Variants in CAMK1D observed in about 807,000 individuals in gnomAD.
CAMK1D encodes the protein calcium/calmodulin dependent protein kinase ID, also known as calcium/calmodulin-dependent protein kinase type 1D.
In CAMK1D, 9 loss-of-function variants were observed where a neutral mutation model predicts 47.7. That is an observed-to-expected ratio of 0.19 (90% CI 0.11 to 0.33). CAMK1D has a LOEUF of 0.33. CAMK1D is among the 10% of genes least tolerant of loss of function. The pLI, the probability that CAMK1D is intolerant of heterozygous loss-of-function variation, is 1.00. For synonymous variants in CAMK1D, 184 were observed against 184.9 expected (o/e 0.99, Z 0.04); for missense variants, 291 against 488.7 (o/e 0.60, Z 3.81).
At chr10:12,563,585 T>C (rs145506967) in intron 2 of CAMK1D, among the ~76,000 whole-genome samples, 1 of 151,458 alleles carries the variant, frequency 6.6e-6, no homozygotes, top group Non-Finnish European at 1.5e-5. Flanking sequence ...AGTTGACACA[T>C]AAAATTATCC....
At chr10:12,739,768 A>G (rs2130841791) in intron 3 of CAMK1D, among the ~76,000 whole-genome samples, 1 of 152,254 alleles carries the variant, frequency 6.6e-6, no homozygotes, top group African/African-American at 2.4e-5. Context: ...CAGAAATTTC[A>G]AAAGACCCCT....
rs1832584108 is a variant in CAMK1D, at chr10:12,434,932, G to A, written c.92+85022G>A. On this transcript the variant is annotated intron_variant, in intron 1 of 10. Coordinates refer to ENST00000619168, the MANE Select transcript of CAMK1D (RefSeq NM_153498.4). Reference sequence around the variant, plus strand: ...AGCCCAGGAGGAATCAGGAGGGGAGGGAAGGCTGGGCGCAGTGGCTCACAC... The same window carrying A: ...AGCCCAGGAGGAATCAGGAGGGGAGAGAAGGCTGGGCGCAGTGGCTCACAC... Among the ~76,000 whole-genome samples the A allele has an allele frequency of 3.3e-5, 5 of 152,020 alleles. No individual in the cohort carries two copies. In the South Asian group the frequency reaches 1.0e-3, roughly 32 times the overall value.
intron 1 of CAMK1D, among the ~76,000 whole-genome samples, chr10:12,354,199 G>A (rs984035008): frequency 3.3e-5 from 5 of 152,164 alleles, no homozygotes; most frequent in Non-Finnish European, 7.3e-5. Flanking sequence ...TTTTCGTGTA[G>A]ACTGAGCATT....
chr10:12,734,158 T>C, intron 3 of CAMK1D, among the ~76,000 whole-genome samples: 1 of 150,442 alleles, frequency 6.6e-6, no homozygotes, highest in Non-Finnish European at 1.5e-5. Flanking sequence ...TGAAACCCTG[T>C]CTGTACTAAA....
At chr10:12,605,337 AGT>A (rs112178502) in intron 2 of CAMK1D, among the ~76,000 whole-genome samples, 144 of 145,210 alleles carry the variant, frequency 9.9e-4, no homozygotes, top group African/African-American at 2.7e-3. Context: ...AAACCATTCA[AGT>A]GTGTGTGTGT....
At chr10:12,675,766 G>A (rs1840786008) in intron 3 of CAMK1D, among the ~76,000 whole-genome samples, 1 of 152,146 alleles carries the variant, frequency 6.6e-6, no homozygotes, top group Non-Finnish European at 1.5e-5. Context: ...GTGGCCTCCA[G>A]GGACCTATGT....
intron 6 of CAMK1D, among the ~76,000 whole-genome samples, 156 bp downstream of exon 6, chr10:12,791,389 T>C (rs1384625694): frequency 6.6e-6 from 1 of 152,186 alleles, no homozygotes; most frequent in Non-Finnish European, 1.5e-5. Context: ...TTAAGTCCAT[T>C]CACAGTGTTG....
In CAMK1D at chr10:12,776,679, C is replaced by T. The variant is rs1000146444; in HGVS notation, c.565+6880C>T. On this transcript the variant is annotated intron_variant, in intron 5 of 10. Coordinates refer to ENST00000619168, the MANE Select transcript of CAMK1D (RefSeq NM_153498.4). ...ATTCACAGCCCACAGCACCGTAACT[C>T]CTGCCTGAAGGAAGCTTCTCTAACC... Among the ~76,000 whole-genome samples, 12 of 151,980 alleles carry T rather than the reference C, an allele frequency of 7.9e-5. 1 individual carries two copies. The highest frequency in any genetic ancestry group is 1.2e-4 in the Non-Finnish European group (8 of 67,964).
At chr10:12,691,886 G>T (rs1832946735) in intron 3 of CAMK1D, among the ~76,000 whole-genome samples, 1 of 152,134 alleles carries the variant, frequency 6.6e-6, no homozygotes, top group Non-Finnish European at 1.5e-5. Flanking sequence ...ACATTTATGT[G>T]CATGTTATTA....
chr10:12,614,897 A>C (rs1838736475), intron 2 of CAMK1D, among the ~76,000 whole-genome samples: 1 of 152,218 alleles, frequency 6.6e-6, no homozygotes, highest in Non-Finnish European at 1.5e-5. Context: ...ATCAGCCCCA[A>C]GTCGCCATCC....
chr10:12,431,168 A>T (rs1435134323), intron 1 of CAMK1D, among the ~76,000 whole-genome samples: 1 of 152,232 alleles, frequency 6.6e-6, no homozygotes, highest in Non-Finnish European at 1.5e-5. Context: ...TTACTGCCTT[A>T]TTCTTGTAGT....
At chr10:12,410,391 G>A (rs1839615564) in intron 1 of CAMK1D, among the ~76,000 whole-genome samples, 1 of 152,056 alleles carries the variant, frequency 6.6e-6, no homozygotes, top group Non-Finnish European at 1.5e-5. Context: ...CAGGTGCAGG[G>A]GTGAAACTGC....
intron 3 of CAMK1D, among the ~76,000 whole-genome samples, chr10:12,684,169 G>A (rs1323728273): frequency 1.3e-5 from 2 of 152,140 alleles, no homozygotes; most frequent in Non-Finnish European, 2.9e-5. Context: ...CCTGTGTGCA[G>A]GGACCCGGTT....
chr10:12,783,927 T>C (rs1462265028), intron 5 of CAMK1D, among the ~76,000 whole-genome samples: 1 of 152,174 alleles, frequency 6.6e-6, no homozygotes, highest in Non-Finnish European at 1.5e-5. Context: ...TCGTGGTCTC[T>C]GAGAAGGACC....
intron 3 of CAMK1D, among the ~76,000 whole-genome samples, chr10:12,713,736 A>AC (rs1439449471): frequency 2.0e-5 from 3 of 152,180 alleles, no homozygotes; most frequent in Non-Finnish European, 2.9e-5. Context: ...AGTGGCATTC[A>AC]CCTGGATGGA....
At chr10:12,555,279 C>T (rs1180748599) in intron 2 of CAMK1D, among the ~76,000 whole-genome samples, 4 of 152,240 alleles carry the variant, frequency 2.6e-5, no homozygotes, top group Non-Finnish European at 5.9e-5. Flanking sequence ...TGCACAAACC[C>T]AGCACTGCTG....
At chr10:12,714,796 A>ACACACACACACACACACACACACACACT (rs141261028) in intron 3 of CAMK1D, among the ~76,000 whole-genome samples, 1 of 150,996 alleles carries the variant, frequency 6.6e-6, no homozygotes, top group Non-Finnish European at 1.5e-5. Context: ...ACACACACAC[A>ACACACACACACACACACACACACACACT]CACACACACA....
chr10:12,556,521 T>C (rs1836766274), intron 2 of CAMK1D, among the ~76,000 whole-genome samples: 1 of 152,040 alleles, frequency 6.6e-6, no homozygotes, highest in African/African-American at 2.4e-5. Flanking sequence ...GCCTGGACAA[T>C]GAGCATAGTT....
chr10:12,605,013 G>A (rs1838410256), intron 2 of CAMK1D, among the ~76,000 whole-genome samples: 1 of 151,574 alleles, frequency 6.6e-6, no homozygotes, highest in Non-Finnish European at 1.5e-5. Context: ...TCAGCCTCCT[G>A]AGTAGCTGGG....
Sources: allele counts gnomAD v4.1 joint callset (sites outside exome capture counted in the v4.1 genomes callset), GRCh38; gene constraint gnomAD v4.1.1; transcripts MANE v1.5; gene names NCBI Gene and HGNC (gene_info 2026-07-23, HGNC 2026-07-21).